Variants in CDS1 observed in about 807,000 individuals in gnomAD.
CDS1 encodes the protein phosphatidate cytidylyltransferase 1.
Under a neutral mutation model 62.1 loss-of-function variants are expected in CDS1, and 41 were observed. The observed-to-expected ratio is 0.66, with a 90% CI of 0.51 to 0.86. The LOEUF (loss-of-function observed/expected upper bound fraction) is 0.86, where lower values mean the gene tolerates loss of function less well. CDS1 is among the 40% of genes least tolerant of loss of function. The pLI, the probability that CDS1 is intolerant of heterozygous loss-of-function variation, is 0.00. For missense variants in CDS1, 470 were observed against 550.1 expected, an observed-to-expected ratio of 0.85 and a Z score of 1.46; for synonymous variants, 185 against 192.6, an observed-to-expected ratio of 0.96 and a Z score of 0.32.
At chr4:84,589,934 C>T (rs570864398) in intron 1 of CDS1, among the ~76,000 whole-genome samples, 4 of 152,308 alleles carry the variant, frequency 2.6e-5, no homozygotes, top group East Asian at 1.9e-4. Flanking sequence ...CCTCAGCCTC[C>T]GACGTAGCTG....
At chr4:84,612,383 T>TA (rs1239063875) in intron 3 of CDS1, among the ~76,000 whole-genome samples, 1 of 152,140 alleles carries the variant, frequency 6.6e-6, no homozygotes, top group Non-Finnish European at 1.5e-5. Flanking sequence ...GTATCCTAGA[T>TA]ACAGTGACTT....
At position 84,635,684 on chromosome 4, in the gene CDS1, TTCCTTCCC is replaced by T. The variant is rs1262301513; in HGVS notation, c.810+345_810+352del. ...CTTCCTTCCTTCCTTCCTTCCTTCC[TTCCTTCCC>T]TCCTTCCCTCCCTCCCTCCCTCCCT... On this transcript the variant is annotated intron_variant, in intron 8 of 12. Transcript: ENST00000295887. 5.0e-4 allele frequency among the ~76,000 whole-genome samples: 42 copies of T among 83,642 alleles called. 2 individuals are homozygous for T. The highest frequency in any genetic ancestry group is 2.8e-3 in the South Asian group (5 of 1,764). 54.9% of individuals were successfully genotyped at this position (83,642 alleles called of 152,430 possible).
chr4:84,627,646 T>G (rs1338544082), intron 5 of CDS1, among the ~76,000 whole-genome samples: 1 of 152,204 alleles, frequency 6.6e-6, no homozygotes, highest in African/African-American at 2.4e-5. Flanking sequence ...CATGCATAGC[T>G]ATTTTGATTT....
At chr4:84,632,318 A>G (rs1248129151) in intron 6 of CDS1, among the ~76,000 whole-genome samples, 1 of 152,170 alleles carries the variant, frequency 6.6e-6, no homozygotes, top group Non-Finnish European at 1.5e-5. Context: ...AGAATTGTGT[A>G]ATTCTTTTTG....
intron 11 of CDS1, among the ~76,000 whole-genome samples, chr4:84,644,230 A>ATGTTGTCCCTGCCC (rs1724483099): frequency 6.6e-6 from 1 of 152,174 alleles, no homozygotes; most frequent in African/African-American, 2.4e-5. Context: ...TGTTCTAAAG[A>ATGTTGTCCCTGCCC]TGCTCACCAC....
intron 9 of CDS1, 85 bp downstream of exon 9, chr4:84,639,077 T>C: frequency 1.8e-6 from 1 of 566,744 alleles, no homozygotes; most frequent in Non-Finnish European, 2.9e-6. Flanking sequence ...CTAGAAAAAT[T>C]AAACCACAAA....
intron 1 of CDS1, among the ~76,000 whole-genome samples, chr4:84,598,680 C>T (rs889592771): frequency 2.0e-5 from 3 of 151,786 alleles, no homozygotes; most frequent in Non-Finnish European, 4.4e-5. Context: ...GCTATGTTGC[C>T]CAGGGTGGTT....
chr4:84,641,855 C>G (rs1724393040), intron 10 of CDS1, among the ~76,000 whole-genome samples: 2 of 152,208 alleles, frequency 1.3e-5, no homozygotes, highest in South Asian at 4.1e-4. Context: ...AATCATTTTA[C>G]ATAAAATCCA....
chr4:84,614,649 A>G (rs1323603795), intron 3 of CDS1, among the ~76,000 whole-genome samples: 1 of 152,244 alleles, frequency 6.6e-6, no homozygotes, highest in African/African-American at 2.4e-5. Context: ...TCGGCCATCC[A>G]GAGTAAATCT....
chr4:84,645,779 T>C (rs967854684), intron 12 of CDS1, among the ~76,000 whole-genome samples: 2 of 152,080 alleles, frequency 1.3e-5, no homozygotes, highest in African/African-American at 4.8e-5. Context: ...TAGCTACTTG[T>C]TTGGAAGTTG....
chr4:84,600,018 A>G (rs1326510457), intron 1 of CDS1, among the ~76,000 whole-genome samples: 1 of 152,208 alleles, frequency 6.6e-6, no homozygotes, highest in Non-Finnish European at 1.5e-5. Flanking sequence ...CAAGCCTTTC[A>G]GTTCCTCCAG....
intron 1 of CDS1, among the ~76,000 whole-genome samples, chr4:84,592,019 A>G (rs572660957): frequency 5.3e-5 from 8 of 152,332 alleles, no homozygotes; most frequent in African/African-American, 1.9e-4. Context: ...TCAAGAAATC[A>G]TTAGCCTTTA....
intron 4 of CDS1, among the ~76,000 whole-genome samples, chr4:84,618,991 TACAC>T (rs759964727): frequency 1.3e-4 from 20 of 148,332 alleles, no homozygotes; most frequent in African/African-American, 2.0e-4. Flanking sequence ...ATTAAAATCA[TACAC>T]ACACACAAAC....
At chr4:84,627,177 C>T (rs912201489) in intron 5 of CDS1, among the ~76,000 whole-genome samples, 1 of 152,122 alleles carries the variant, frequency 6.6e-6, no homozygotes, top group African/African-American at 2.4e-5. Flanking sequence ...ATTTAAAAAG[C>T]AGAGACAGTT....
At chr4:84,591,879 G>A (rs1193488222) in intron 1 of CDS1, among the ~76,000 whole-genome samples, 1 of 152,108 alleles carries the variant, frequency 6.6e-6, no homozygotes, top group African/African-American at 2.4e-5. Flanking sequence ...GACTAATTTG[G>A]TCTTTTTGAA....
chr4:84,599,405 CATATATATATATATATATATATATATAT>C (rs59313355), intron 1 of CDS1, among the ~76,000 whole-genome samples: 3 of 24,700 alleles, frequency 1.2e-4, no homozygotes, highest in African/African-American at 3.8e-4. Context: ...CACACACACA[CATATATATATATATATATATATATATAT>C]ATATATATAT....
chr4:84,628,836 C>T (rs1723933736), intron 5 of CDS1, among the ~76,000 whole-genome samples: 1 of 152,124 alleles, frequency 6.6e-6, no homozygotes, highest in Non-Finnish European at 1.5e-5. Flanking sequence ...CACCTGGATT[C>T]TCTTGTTATT....
At chr4:84,598,006 G>T (rs1722804317) in intron 1 of CDS1, among the ~76,000 whole-genome samples, 2 of 151,758 alleles carry the variant, frequency 1.3e-5, no homozygotes. Flanking sequence ...GGCGCCTGTA[G>T]TCCCAGCTAC....
chr4:84,587,990 A>G (rs1722470418), intron 1 of CDS1, among the ~76,000 whole-genome samples: 1 of 152,232 alleles, frequency 6.6e-6, no homozygotes, highest in African/African-American at 2.4e-5. Context: ...GATTTTCTCT[A>G]CAGACACAAA....
Sources: gnomAD v4.1 joint callset for allele counts (sites outside exome capture counted in the v4.1 genomes callset) on GRCh38, gnomAD v4.1.1 for gene constraint, MANE v1.5 for transcripts, NCBI Gene and HGNC (gene_info 2026-07-23, HGNC 2026-07-21) for gene names.